FYN: variants seen among roughly 807,000 people sequenced by gnomAD.
FYN encodes FYN proto-oncogene, Src family tyrosine kinase.
FYN carries 10 observed loss-of-function variants against 70.2 expected under a neutral mutation model. The ratio of observed to expected loss-of-function variants is 0.14; its 90% confidence interval spans 0.09 to 0.24. The LOEUF (loss-of-function observed/expected upper bound fraction) is 0.24. Ranked by LOEUF, FYN falls within the 10% of genes least tolerant of loss-of-function variation. FYN has a pLI of 1.00. For missense variants in FYN, 319 were observed against 673.1 expected, an observed-to-expected ratio of 0.47 and a Z score of 5.82; for synonymous variants, 236 against 248.6, an observed-to-expected ratio of 0.95 and a Z score of 0.48.
At chr6:111,784,535 G>A (rs1009560322) in intron 2 of FYN, among the ~76,000 whole-genome samples, 1 of 152,168 alleles carries the variant, frequency 6.6e-6, no homozygotes, top group Non-Finnish European at 1.5e-5. Context: ...CAGTCTAAAC[G>A]ATCAACTGGA....
Position 111,819,155 on chromosome 6 carries a change from A to T in FYN, c.-82+27434T>A, listed in dbSNP as rs181869325. On this transcript the variant is annotated intron_variant, in intron 2 of 13. Coordinates refer to ENST00000354650, the MANE Select transcript of FYN (RefSeq NM_002037.5). ...ATTTTGGTTGGGTGCACAGAAACCC[A>T]GAGTGAGTTGTCTCCTTCTCTTCTC... is the stretch of plus-strand genomic sequence containing the variant. 3.9e-4 allele frequency among the ~76,000 whole-genome samples: 60 copies of T among 152,306 alleles called. No homozygotes were observed. In the East Asian group the frequency reaches 4.8e-3, roughly 12 times the overall value.
At chr6:111,743,932 T>G (rs909778399) in intron 3 of FYN, among the ~76,000 whole-genome samples, 1 of 152,166 alleles carries the variant, frequency 6.6e-6, no homozygotes, top group South Asian at 2.1e-4. Context: ...GCCTGAAAGA[T>G]CTTGCAGAAT....
At chr6:111,804,352 A>AT (rs1477835168) in intron 2 of FYN, among the ~76,000 whole-genome samples, 2 of 152,286 alleles carry the variant, frequency 1.3e-5, no homozygotes, top group African/African-American at 4.8e-5. Context: ...TGTTCTGGGC[A>AT]TTCCTTTCTT....
chr6:111,695,653 T>C (rs775278414), intron 10 of FYN, among the ~76,000 whole-genome samples: 4 of 152,182 alleles, frequency 2.6e-5, no homozygotes, highest in Non-Finnish European at 5.9e-5. Context: ...TGATAAACAA[T>C]GTATTGCCTT....
rs1363519921 is a variant in FYN, at chr6:111,714,461, A to C, written c.248-18T>G. ...TGTCACTCCTGCCGAAACGAAATTC[A>C]CAAGAAGGGAGATTATTACACAAGG... On this transcript the variant is annotated intron_variant, in intron 4 of 13. Coordinates refer to ENST00000354650, the MANE Select transcript of FYN (RefSeq NM_002037.5). 1 of 1,545,484 alleles carries C rather than the reference A, an allele frequency of 6.5e-7. No individual in the cohort carries two copies. Among genetic ancestry groups the C allele is most frequent in the African/African-American group, 1.4e-5 (1 of 73,508 alleles).
At chr6:111,764,216 C>CAAAAAAAAAAAAAAAAAAA (rs11409465) in intron 3 of FYN, among the ~76,000 whole-genome samples, 11 of 58,364 alleles carry the variant, frequency 1.9e-4, no homozygotes, top group East Asian at 8.6e-4. Context: ...TTTTGTCAAG[C>CAAAAAAAAAAAAAAAAAAA]AAAAAAAAAA....
At position 111,719,829 on chromosome 6, in the gene FYN, T is replaced by TCCCC. The variant is rs1170159021; in HGVS notation, c.219_222dup (p.Thr75GlyfsTer19). Reference sequence around the variant, plus strand: ...CCTGTTCCTCCTCTCGTACGCAAGGTCCCCGTATGAGACGAAGAGTTCACA... The same window carrying TCCCC: ...CCTGTTCCTCCTCTCGTACGCAAGGTCCCCCCCCGTATGAGACGAAGAGTTCACA... On this transcript the variant is annotated frameshift_variant, in exon 4 of 14. Coordinates refer to ENST00000354650, the MANE Select transcript of FYN (RefSeq NM_002037.5). LOFTEE classifies it high-confidence loss of function. 1 of 1,614,042 alleles carries TCCCC rather than the reference T, an allele frequency of 6.2e-7. No homozygotes were observed.
At chr6:111,689,880 G>A (rs138205099) in intron 12 of FYN, among the ~76,000 whole-genome samples, 13 of 152,180 alleles carry the variant, frequency 8.5e-5, no homozygotes, top group African/African-American at 2.4e-4. Flanking sequence ...AAAATTCATC[G>A]GGCTGCACAC....
chr6:111,714,314 G>A (rs372792405), intron 5 of FYN, 33 bp downstream of exon 5: 14 of 1,423,646 alleles, frequency 9.8e-6, no homozygotes, highest in African/African-American at 5.6e-5. Context: ...AACCTGAAAG[G>A]TATACATGCT....
At chr6:111,865,399 T>C (rs1774077052) in intron 1 of FYN, among the ~76,000 whole-genome samples, 1 of 152,242 alleles carries the variant, frequency 6.6e-6, no homozygotes, top group Admixed American at 6.5e-5. Flanking sequence ...CTCGGAGTCT[T>C]ACAAACATTG....
intron 2 of FYN, among the ~76,000 whole-genome samples, chr6:111,825,171 G>C (rs967274157): frequency 3.3e-5 from 5 of 152,140 alleles, no homozygotes; most frequent in African/African-American, 1.2e-4. Context: ...CCATGGTCCC[G>C]AACAAGACAA....
chr6:111,723,330 C>T (rs996716109), intron 3 of FYN, among the ~76,000 whole-genome samples: 1 of 151,756 alleles, frequency 6.6e-6, no homozygotes, highest in African/African-American at 2.4e-5. Flanking sequence ...CAGAACAGTG[C>T]CTGGCACACA....
chr6:111,823,316 G>A (rs2114376229), intron 2 of FYN, among the ~76,000 whole-genome samples: 1 of 152,298 alleles, frequency 6.6e-6, no homozygotes, highest in South Asian at 2.1e-4. Context: ...TGTTGGCCTT[G>A]TGCTGCTAGA....
At chr6:111,777,424 CAG>C (rs1770994793) in intron 3 of FYN, among the ~76,000 whole-genome samples, 1 of 152,074 alleles carries the variant, frequency 6.6e-6, no homozygotes, top group African/African-American at 2.4e-5. Context: ...CTTATAATCT[CAG>C]AGTTTCTCAG....
intron 3 of FYN, among the ~76,000 whole-genome samples, chr6:111,748,937 T>G (rs1190956239): frequency 6.6e-6 from 1 of 152,196 alleles, no homozygotes; most frequent in Non-Finnish European, 1.5e-5. Flanking sequence ...TTGAAAAGAT[T>G]AATCCAAATT....
intron 2 of FYN, among the ~76,000 whole-genome samples, chr6:111,792,622 A>G (rs138971080): frequency 6.6e-6 from 1 of 152,246 alleles, no homozygotes; most frequent in African/African-American, 2.4e-5. Flanking sequence ...AGTATTACAC[A>G]GCAATGAAAA....
chr6:111,752,347 G>A (rs1267087962), intron 3 of FYN, among the ~76,000 whole-genome samples: 2 of 152,184 alleles, frequency 1.3e-5, no homozygotes, highest in African/African-American at 4.8e-5. Context: ...CAGCCCACTG[G>A]AGCAGCTTTT....
chr6:111,805,604 G>C (rs1448065702), intron 2 of FYN, among the ~76,000 whole-genome samples: 1 of 151,860 alleles, frequency 6.6e-6, no homozygotes, highest in East Asian at 1.9e-4. Context: ...TCCTCCTATC[G>C]GCTTCACAGC....
chr6:111,822,033 G>A (rs1377803626), intron 2 of FYN, among the ~76,000 whole-genome samples: 2 of 152,178 alleles, frequency 1.3e-5, no homozygotes, highest in Admixed American at 6.5e-5. Flanking sequence ...CTGTTGGTGG[G>A]ACTGTAAACT....
Sources: allele counts gnomAD v4.1 joint callset (sites outside exome capture counted in the v4.1 genomes callset), GRCh38; gene constraint gnomAD v4.1.1; transcripts MANE v1.5; gene names NCBI Gene and HGNC (gene_info 2026-07-23, HGNC 2026-07-21).